IL1RAPL2: variants seen among roughly 807,000 people sequenced by gnomAD.
IL1RAPL2 encodes the protein interleukin 1 receptor accessory protein like 2.
Under a neutral mutation model 44.1 loss-of-function variants are expected in IL1RAPL2, and 3 were observed. The ratio of observed to expected loss-of-function variants is 0.07; its 90% CI spans 0.03 to 0.18. The LOEUF (loss-of-function observed/expected upper bound fraction) is 0.18, where lower values mean the gene tolerates loss of function less well. IL1RAPL2 is among the 10% of genes least tolerant of loss of function. IL1RAPL2 has a pLI of 1.00. For synonymous variants in IL1RAPL2, 181 were observed against 178.8 expected (o/e 1.01, Z -0.10); for missense variants, 391 against 496.4 (o/e 0.79, Z 2.02).
At chrX:105,676,536 TA>T (rs1202352616) in intron 6 of IL1RAPL2, among the ~76,000 whole-genome samples, 4 of 111,543 alleles carry the variant, frequency 3.6e-5, no homozygotes, top group Middle Eastern at 4.7e-3. Flanking sequence ...AAGATGGGGC[TA>T]ACTAAAATAA....
At chrX:104,854,110 A>G (rs1379751275) in intron 2 of IL1RAPL2, among the ~76,000 whole-genome samples, 1 of 111,441 alleles carries the variant, frequency 9.0e-6, no homozygotes, top group African/African-American at 3.3e-5. Context: ...AGCTGTCTTT[A>G]TGCACAACTT....
intron 2 of IL1RAPL2, among the ~76,000 whole-genome samples, chrX:104,909,784 A>G (rs948564861): frequency 1.8e-4 from 20 of 112,509 alleles, no homozygotes; most frequent in Non-Finnish European, 3.2e-4. Context: ...TGCAGAGGTT[A>G]CTGCTGTCTT....
At chrX:104,912,987 T>G (rs906363561) in intron 2 of IL1RAPL2, among the ~76,000 whole-genome samples, 2 of 111,559 alleles carry the variant, frequency 1.8e-5, no homozygotes, top group Non-Finnish European at 3.8e-5. Context: ...ATGCATTATA[T>G]AAGCAAGGCA....
chrX:105,414,135 C>CT (rs779378937), intron 5 of IL1RAPL2, among the ~76,000 whole-genome samples: 8,148 of 106,938 alleles, frequency 0.076, 815 homozygotes, highest in African/African-American at 0.26. Flanking sequence ...CTATCATTTT[C>CT]TTTTTTTTTT....
chrX:104,677,092 C>T (rs1485783510), intron 2 of IL1RAPL2, among the ~76,000 whole-genome samples: 1 of 112,182 alleles, frequency 8.9e-6, no homozygotes, highest in Non-Finnish European at 1.9e-5. Flanking sequence ...CTTCTTCTCT[C>T]AGCTCGTCAA....
At chrX:104,989,885 T>C (rs1292831919) in intron 2 of IL1RAPL2, among the ~76,000 whole-genome samples, 1 of 112,013 alleles carries the variant, frequency 8.9e-6, no homozygotes, top group Non-Finnish European at 1.9e-5. Context: ...ATGTAAAAAA[T>C]CAGATTCCAC....
At chrX:105,031,260 G>T (rs905138167) in intron 2 of IL1RAPL2, among the ~76,000 whole-genome samples, 1 of 106,665 alleles carries the variant, frequency 9.4e-6, no homozygotes, top group Non-Finnish European at 1.9e-5. Flanking sequence ...AATTGCCCTG[G>T]CCAGAACTTC....
chrX:105,665,731 T>TA (rs1569463217), intron 6 of IL1RAPL2, among the ~76,000 whole-genome samples: 1 of 62,107 alleles, frequency 1.6e-5, no homozygotes, highest in Non-Finnish European at 3.2e-5. Flanking sequence ...TTTTTGTTTT[T>TA]TTGTTTTTTT....
intron 2 of IL1RAPL2, among the ~76,000 whole-genome samples, chrX:104,866,441 ACT>A (rs750728799): frequency 5.9e-4 from 66 of 112,215 alleles, no homozygotes; most frequent in African/African-American, 2.0e-3. Flanking sequence ...AGATTGGCAA[ACT>A]CTGGCCCACA....
At chrX:105,056,050 C>CACTT (rs199927143) in intron 2 of IL1RAPL2, among the ~76,000 whole-genome samples, 7,376 of 111,778 alleles carry the variant, frequency 0.066, 663 homozygotes, top group African/African-American at 0.23. Flanking sequence ...GCAAATATCT[C>CACTT]ATTACAATTT....
intron 3 of IL1RAPL2, 89 bp downstream of exon 3, chrX:105,195,837 A>G (rs1412237943): frequency 1.1e-6 from 1 of 889,358 alleles, no homozygotes; most frequent in Non-Finnish European, 1.6e-6. Context: ...CTCATGTTGT[A>G]TAATGGATAT....
At chrX:104,899,175 T>G (rs1426342135) in intron 2 of IL1RAPL2, among the ~76,000 whole-genome samples, 9 of 111,890 alleles carry the variant, frequency 8.0e-5, no homozygotes, top group Non-Finnish European at 1.7e-4. Context: ...TTATGATAAT[T>G]GGAAGATGTT....
intron 5 of IL1RAPL2, among the ~76,000 whole-genome samples, chrX:105,369,201 AC>A (rs1286846297): frequency 4.6e-5 from 5 of 109,767 alleles, no homozygotes; most frequent in African/African-American, 1.7e-4. Context: ...AATTTGAAAA[AC>A]ATCTCTCTAT....
chrX:104,857,880 A>G (rs771538741), intron 2 of IL1RAPL2, among the ~76,000 whole-genome samples: 1 of 111,512 alleles, frequency 9.0e-6, no homozygotes, highest in Non-Finnish European at 1.9e-5. Context: ...TCATAGATTC[A>G]TACATACTAA....
intron 3 of IL1RAPL2, chrX:105,218,874 AC>A: frequency 3.2e-6 from 2 of 628,396 alleles, no homozygotes; most frequent in Non-Finnish European, 4.6e-6. Flanking sequence ...TTCCCCTACC[AC>A]CCCGGCCCCC....
intron 1 of IL1RAPL2, among the ~76,000 whole-genome samples, chrX:104,642,755 G>A (rs748212733): frequency 6.1e-4 from 68 of 111,845 alleles, no homozygotes; most frequent in Non-Finnish European, 8.5e-4. Flanking sequence ...AAAGTGCTGG[G>A]ATTACAGGCA....
At chrX:105,230,521 T>C (rs977676564) in intron 3 of IL1RAPL2, among the ~76,000 whole-genome samples, 26 of 108,239 alleles carry the variant, frequency 2.4e-4, no homozygotes, top group Admixed American at 1.3e-3. Flanking sequence ...ATAATTATTA[T>C]ATATATCTTT....
chrX:104,702,763 C>G (rs908029844), intron 2 of IL1RAPL2, among the ~76,000 whole-genome samples: 1 of 110,642 alleles, frequency 9.0e-6, no homozygotes, highest in Non-Finnish European at 1.9e-5. Flanking sequence ...TAATATTGAC[C>G]CCCTTCTGCT....
intron 5 of IL1RAPL2, among the ~76,000 whole-genome samples, chrX:105,400,380 A>G (rs2035598303): frequency 9.0e-6 from 1 of 111,157 alleles, no homozygotes; most frequent in Non-Finnish European, 1.9e-5. Flanking sequence ...ACAAATTTAT[A>G]CTGTTTATAT....
Sources: gnomAD v4.1 joint callset for allele counts (sites outside exome capture counted in the v4.1 genomes callset) on GRCh38, gnomAD v4.1.1 for gene constraint, MANE v1.5 for transcripts, NCBI Gene and HGNC (gene_info 2026-07-23, HGNC 2026-07-21) for gene names.